Variants in ANKRD44 observed in about 807,000 individuals in gnomAD.
The protein encoded by ANKRD44 is serine/threonine-protein phosphatase 6 regulatory ankyrin repeat subunit B.
In ANKRD44, 35 loss-of-function variants were observed where a neutral mutation model predicts 116.0. That is an observed-to-expected ratio of 0.30 (90% confidence interval 0.23 to 0.40). The LOEUF (loss-of-function observed/expected upper bound fraction) is 0.40. Among genes scored for constraint, ANKRD44 ranks in the 10% least tolerant of loss-of-function variants. The pLI is 1.00. For synonymous variants in ANKRD44, 435 were observed against 461.8 expected (o/e 0.94, Z 0.74); for missense variants, 1,014 against 1,242.6 (o/e 0.82, Z 2.77).
intron 10 of ANKRD44, among the ~76,000 whole-genome samples, chr2:197,094,192 A>G (rs886400093): frequency 9.2e-5 from 14 of 152,316 alleles, no homozygotes; most frequent in African/African-American, 3.4e-4. Context: ...TCTTTAGGCC[A>G]TGTGGGTAAA....
chr2:197,139,667 T>C (rs1361093807), intron 3 of ANKRD44, among the ~76,000 whole-genome samples: 1 of 151,718 alleles, frequency 6.6e-6, no homozygotes, highest in Non-Finnish European at 1.5e-5. Context: ...ATAGCAAATA[T>C]GGCAAAATAT....
chr2:197,004,004 C>T (rs183702534), intron 21 of ANKRD44, among the ~76,000 whole-genome samples: 31 of 151,698 alleles, frequency 2.0e-4, no homozygotes, highest in Admixed American at 7.9e-4. Flanking sequence ...CACACACAAA[C>T]GCCTTTTGTG....
chr2:197,057,275 T>C (rs1401579448), intron 16 of ANKRD44, among the ~76,000 whole-genome samples: 2 of 152,220 alleles, frequency 1.3e-5, no homozygotes, highest in Admixed American at 1.3e-4. Flanking sequence ...TCTATTAATA[T>C]GGTAAAATAC....
chr2:197,051,094 C>CT (rs1175745056), intron 16 of ANKRD44, among the ~76,000 whole-genome samples: 1 of 151,562 alleles, frequency 6.6e-6, no homozygotes, highest in African/African-American at 2.4e-5. Flanking sequence ...TCCCAGGTAG[C>CT]TGGGACTACA....
At chr2:196,985,059 C>T (rs1216632301), downstream of ANKRD44, among the ~76,000 whole-genome samples, 2 of 152,372 alleles carry the variant, frequency 1.3e-5, no homozygotes, top group African/African-American at 4.8e-5. Flanking sequence ...TCAGCCTGCT[C>T]GCCCGCAAGG....
rs773839262 is a variant in ANKRD44 at position 197,118,637 on chromosome 2, G to GAGAGAGAGAGAGAGAGAAAGAA, written c.906+2694_906+2695insTTCTTTCTCTCTCTCTCTCTCT. 2.9e-4 allele frequency among the ~76,000 whole-genome samples: 33 copies of GAGAGAGAGAGAGAGAGAAAGAA among 112,438 alleles called. No individual in the cohort carries two copies. The East Asian group carries it at 5.7e-3, about 19-fold the overall frequency. 73.8% of individuals were successfully genotyped at this position (112,438 alleles called of 152,430 possible). A position where few individuals can be genotyped will look rare whatever the true frequency, so the allele number is the denominator to read the frequency against. ...AGAAAGAGAGAGAGAGAGAGAGAGAGAGAAAGAAAGAAAGAAAGAAAGAAA... is the reference window on the plus strand; with the variant it reads ...AGAAAGAGAGAGAGAGAGAGAGAGAGAGAGAGAGAGAGAGAGAAAGAAAGAAAGAAAGAAAGAAAGAAAGAAA... On this transcript the variant is annotated intron_variant, in intron 8 of 27. Coordinates refer to ENST00000282272, the MANE Select transcript of ANKRD44 (RefSeq NM_001195144.2).
At position 197,067,100 on chromosome 2, in the gene ANKRD44, A is replaced by C. The variant is rs2077450764; in HGVS notation, c.1650+11603T>G. ...CCAAAACAGAGATACAGACCAATGGAACAGAACAGAGCCCTCAGAAATAAT... is the reference window on the plus strand; with the variant it reads ...CCAAAACAGAGATACAGACCAATGGCACAGAACAGAGCCCTCAGAAATAAT... On this transcript the variant is annotated intron_variant, in intron 16 of 27. Transcript: ENST00000282272. Among the ~76,000 whole-genome samples, 5 of 152,330 alleles carry C rather than the reference A, an allele frequency of 3.3e-5. No individual in the cohort carries two copies. In the South Asian group the frequency reaches 1.0e-3, roughly 32 times the overall value.
intron 1 of ANKRD44, among the ~76,000 whole-genome samples, chr2:197,192,243 G>A (rs2080841726): frequency 6.6e-6 from 1 of 152,204 alleles, no homozygotes; most frequent in Non-Finnish European, 1.5e-5. Flanking sequence ...GGCTGTCATT[G>A]AGCATTGGTA....
rs2076188943 is a variant in ANKRD44, at chr2:197,005,702, C to G, written c.2339G>C (p.Cys780Ser). 5 of 1,614,076 alleles carry G rather than the reference C, an allele frequency of 3.1e-6. No individual in the cohort carries two copies. The South Asian group carries it at 5.5e-5, about 18-fold the overall frequency. The change falls in exon 21 of 28, where the codon TGT becomes TCT. Residue 780 changes from cysteine to serine, a missense_variant. Transcript: ENST00000282272. ...AATGATAAGCAACTCACCATTGTAA[C>G]AAGCCCAGTGCAGCGGCGTGTAGCC... ...NQGYTPLHWA[C>S]YNGNENCIEV...
rs551923767 is a variant in ANKRD44, at chr2:197,106,806, ATT to A, written c.985+3958_985+3959del. ...CTCCGTCTCAAATATATATATATAT[ATT>A]TTTTTTTTTTTTTCAGGAAAACATA... On this transcript the variant is annotated intron_variant, in intron 9 of 27. Coordinates refer to ENST00000282272, the MANE Select transcript of ANKRD44 (RefSeq NM_001195144.2). 1.5e-3 allele frequency among the ~76,000 whole-genome samples: 201 copies of A among 136,562 alleles called. 1 individual carries two copies. The highest frequency in any genetic ancestry group is 4.5e-3 in the African/African-American group (169 of 37,274). The allele number at this position is 136,562 out of a possible 152,430, so 89.6% of individuals were successfully genotyped here.
intron 4 of ANKRD44, 94 bp downstream of exon 4, chr2:197,136,498 C>T: frequency 2.5e-6 from 3 of 1,199,648 alleles, no homozygotes; most frequent in Non-Finnish European, 1.2e-6. Context: ...AGGTAAAAGC[C>T]TTCTGCTTAC....
At chr2:196,990,318 T>C (rs1165350747) in intron 27 of ANKRD44, 3 of 993,924 alleles carry the variant, frequency 3.0e-6, no homozygotes, top group Non-Finnish European at 3.6e-6. Flanking sequence ...GATATACTTC[T>C]GAGAACTCAC....
intron 8 of ANKRD44, among the ~76,000 whole-genome samples, chr2:197,112,956 G>T (rs914151953): frequency 6.8e-6 from 1 of 146,128 alleles, no homozygotes; most frequent in East Asian, 2.0e-4. Context: ...AGAAAAAAAA[G>T]TTAATTAGAA....
chr2:196,967,875 T>TG (rs1314552256), intron 21 of ANKRD44, among the ~76,000 whole-genome samples: 1 of 151,094 alleles, frequency 6.6e-6, no homozygotes, highest in African/African-American at 2.4e-5. Context: ...GGGTGGGAGG[T>TG]GTCTGGGTCA....
chr2:197,097,534 T>C (rs1315411029), intron 10 of ANKRD44, among the ~76,000 whole-genome samples: 2 of 152,190 alleles, frequency 1.3e-5, no homozygotes, highest in Non-Finnish European at 2.9e-5. Context: ...AAAAGTTCTT[T>C]TGGCTCACAG....
At chr2:197,177,467 A>T (rs1482571596) in intron 2 of ANKRD44, among the ~76,000 whole-genome samples, 1 of 152,086 alleles carries the variant, frequency 6.6e-6, no homozygotes, top group Non-Finnish European at 1.5e-5. Flanking sequence ...AGTAAGTACC[A>T]CGCCACTGAA....
At chr2:197,277,562 A>T (rs1374199663) in intron 1 of ANKRD44, among the ~76,000 whole-genome samples, 1 of 151,966 alleles carries the variant, frequency 6.6e-6, no homozygotes, top group Non-Finnish European at 1.5e-5. Context: ...GATAAATACC[A>T]CTCCTATCCA....
chr2:197,054,997 C>A (rs1317411415), intron 16 of ANKRD44, among the ~76,000 whole-genome samples: 1 of 152,150 alleles, frequency 6.6e-6, no homozygotes, highest in Non-Finnish European at 1.5e-5. Context: ...GCAAAACTTA[C>A]CTGTTCTATT....
In ANKRD44 at chr2:197,235,713, TATACAATACAAATA is replaced by T. The variant is rs1013898205; in HGVS notation, c.28-48621_28-48608del. Reference sequence around the variant, plus strand: ...TATATAAATAATACAATACAAATATTATACAATACAAATAATACAATACAAATATTATATACAAA... The same window carrying T: ...TATATAAATAATACAATACAAATATTATACAATACAAATATTATATACAAA... On this transcript the variant is annotated intron_variant, in intron 1 of 27. Transcript: ENST00000282272. Among the ~76,000 whole-genome samples, 80 of 151,434 alleles carry T rather than the reference TATACAATACAAATA, an allele frequency of 5.3e-4. 2 individuals are homozygous for T. The East Asian group carries it at 0.013, about 25-fold the overall frequency.
Sources: allele counts gnomAD v4.1 joint callset (sites outside exome capture counted in the v4.1 genomes callset), GRCh38; gene constraint gnomAD v4.1.1; transcripts MANE v1.5; gene names NCBI Gene and HGNC (gene_info 2026-07-23, HGNC 2026-07-21).